CSMD1: variants seen among roughly 807,000 people sequenced by gnomAD.
CSMD1 encodes CUB and Sushi multiple domains 1.
CSMD1 carries 213 observed loss-of-function variants against 417.5 expected under a neutral mutation model. The ratio of observed to expected loss-of-function variants is 0.51; its 90% CI spans 0.46 to 0.57. The LOEUF is 0.57. Ranked by LOEUF, CSMD1 falls within the 20% of genes least tolerant of loss-of-function variation. CSMD1 has a pLI of 0.00. For missense variants in CSMD1, 6,923 were observed against 4,529.7 expected (o/e 1.53, Z -15.17); for synonymous variants, 2,862 against 1,736.8 (o/e 1.65, Z -16.11).
At chr8:3,407,357 G>T (rs1200539152) in intron 14 of CSMD1, among the ~76,000 whole-genome samples, 2 of 151,736 alleles carry the variant, frequency 1.3e-5, no homozygotes, top group Admixed American at 6.6e-5. Context: ...TGGATGGATG[G>T]AAAGATGGAT....
At chr8:3,021,686 T>C (rs1809410949) in intron 51 of CSMD1, among the ~76,000 whole-genome samples, 1 of 116,172 alleles carries the variant, frequency 8.6e-6, no homozygotes, top group Non-Finnish European at 1.9e-5. Context: ...GCGTCCGGAA[T>C]GCACCTGCAA....
Position 3,836,222 on chromosome 8 carries a change from T to A in CSMD1, c.819-82180A>T, listed in dbSNP as rs571095806. ...TTTTGATCATGTCATCGGACATTCT[T>A]TAAATATCTTTAATATTTGGTTATC... is the stretch of plus-strand genomic sequence containing the variant. On this transcript the variant is annotated intron_variant, in intron 5 of 69. Transcript: ENST00000635120. 2.6e-5 allele frequency among the ~76,000 whole-genome samples: 4 copies of A among 152,322 alleles called. No individual in the cohort carries two copies. In the East Asian group the frequency reaches 7.7e-4, roughly 29 times the overall value.
intron 3 of CSMD1, among the ~76,000 whole-genome samples, chr8:4,254,250 C>G (rs534980462): frequency 6.6e-6 from 1 of 152,038 alleles, no homozygotes. Flanking sequence ...CTCTCTTCAC[C>G]AAATAAAATC....
At chr8:4,787,221 C>T (rs2117215651) in intron 1 of CSMD1, 1 of 485,892 alleles carries the variant, frequency 2.1e-6, no homozygotes, top group Non-Finnish European at 3.8e-6. Flanking sequence ...AGGGGGCGCG[C>T]CTGGGGGCCG....
At chr8:4,261,257 C>G (rs970977608) in intron 3 of CSMD1, among the ~76,000 whole-genome samples, 1 of 152,102 alleles carries the variant, frequency 6.6e-6, no homozygotes, top group African/African-American at 2.4e-5. Context: ...TCAAAAAGAA[C>G]GCCTGTTTTC....
chr8:4,426,749 A>C (rs759745286), intron 2 of CSMD1, among the ~76,000 whole-genome samples: 3 of 147,920 alleles, frequency 2.0e-5, no homozygotes, highest in Non-Finnish European at 4.5e-5. Flanking sequence ...ACAATATAGT[A>C]ATATAGTAAT....
chr8:4,743,646 C>T (rs1040960185), intron 1 of CSMD1, among the ~76,000 whole-genome samples: 1 of 152,134 alleles, frequency 6.6e-6, no homozygotes, highest in Non-Finnish European at 1.5e-5. Context: ...CCAATTTACA[C>T]CTTAATCATT....
At chr8:3,665,617 G>T (rs1033905743) in intron 7 of CSMD1, among the ~76,000 whole-genome samples, 3 of 152,130 alleles carry the variant, frequency 2.0e-5, no homozygotes, top group African/African-American at 7.2e-5. Flanking sequence ...ACTCAGTAGG[G>T]TTCTAAATAA....
intron 3 of CSMD1, among the ~76,000 whole-genome samples, chr8:4,201,061 C>T (rs1486553175): frequency 6.6e-6 from 1 of 152,188 alleles, no homozygotes; most frequent in Non-Finnish European, 1.5e-5. Flanking sequence ...CCATTCACTA[C>T]TTTCTACCTA....
At chr8:3,251,397 G>A (rs997017777) in intron 26 of CSMD1, among the ~76,000 whole-genome samples, 1 of 152,180 alleles carries the variant, frequency 6.6e-6, no homozygotes, top group Middle Eastern at 3.4e-3. Flanking sequence ...TATTTCTGAG[G>A]GCTCTGTTCT....
intron 37 of CSMD1, among the ~76,000 whole-genome samples, chr8:3,165,504 T>G (rs1820151001): frequency 6.6e-6 from 1 of 152,100 alleles, no homozygotes; most frequent in African/African-American, 2.4e-5. Context: ...TGATCTCAGC[T>G]CACTTCAAGC....
intron 3 of CSMD1, among the ~76,000 whole-genome samples, chr8:4,279,060 T>C (rs1265646234): frequency 2.6e-5 from 4 of 152,222 alleles, no homozygotes; most frequent in African/African-American, 9.6e-5. Flanking sequence ...ATCACTCTAC[T>C]GTTTTTATGT....
At chr8:4,788,282 A>C in intron 1 of CSMD1, 1 of 1,590,226 alleles carries the variant, frequency 6.3e-7, no homozygotes, top group Non-Finnish European at 8.6e-7. Context: ...TTCCTACTGT[A>C]TTTGTGGCAG....
At chr8:4,577,500 C>T (rs770524182) in intron 2 of CSMD1, among the ~76,000 whole-genome samples, 68 of 152,298 alleles carry the variant, frequency 4.5e-4, no homozygotes, top group Middle Eastern at 3.4e-3. Flanking sequence ...CACCACAGCA[C>T]CCACCTTGCC....
chr8:4,980,942 G>T (rs1810856370), intron 1 of CSMD1, among the ~76,000 whole-genome samples: 1 of 151,766 alleles, frequency 6.6e-6, no homozygotes, highest in South Asian at 2.1e-4. Flanking sequence ...ACTTTGCCCA[G>T]CAACATGGAC....
rs530683415 is a variant in CSMD1, at chr8:3,357,070, C to T, written c.3304+2082G>A. Among the ~76,000 whole-genome samples the T allele has an allele frequency of 1.8e-3, 276 of 152,112 alleles. 2 individuals are homozygous for T. Among genetic ancestry groups the T allele is most frequent in the African/African-American group, 6.4e-3 (264 of 41,492 alleles). On this transcript the variant is annotated intron_variant, in intron 21 of 69. Coordinates refer to ENST00000635120, the MANE Select transcript of CSMD1 (RefSeq NM_033225.6). ...GGGCTAGGAGGGTGGGGAGGAGGAGCCTGAACTGAGAGCTCTGCAGCGGCC... is the reference window on the plus strand; with the variant it reads ...GGGCTAGGAGGGTGGGGAGGAGGAGTCTGAACTGAGAGCTCTGCAGCGGCC...
intron 5 of CSMD1, among the ~76,000 whole-genome samples, chr8:3,890,099 G>C (rs1430671284): frequency 6.6e-6 from 1 of 152,098 alleles, no homozygotes; most frequent in Non-Finnish European, 1.5e-5. Flanking sequence ...GGACAAATGA[G>C]ATAATCTGAT....
At chr8:3,804,631 TA>T (rs1390875771) in intron 5 of CSMD1, among the ~76,000 whole-genome samples, 1 of 152,100 alleles carries the variant, frequency 6.6e-6, no homozygotes, top group Non-Finnish European at 1.5e-5. Flanking sequence ...CACTTTACGA[TA>T]AAATGCACAC....
In CSMD1 at chr8:4,152,524, C is replaced by CAAA. The variant is rs11460992; in HGVS notation, c.416-120428_416-120426dup. On this transcript the variant is annotated intron_variant, in intron 3 of 69. Transcript: ENST00000635120. ...AAAGCCCTGTCTCTACAGAGAGTAC[C>CAAA]AAAAAAAAAAAAAAAATTAGCTAGT... Among the ~76,000 whole-genome samples, 105 of 139,444 alleles carry CAAA rather than the reference C, an allele frequency of 7.5e-4. 1 individual carries two copies. The highest frequency in any genetic ancestry group is 2.5e-3 in the African/African-American group (94 of 37,478). 91.5% of individuals were successfully genotyped at this position (139,444 alleles called of 152,430 possible). A position where few individuals can be genotyped will look rare whatever the true frequency, so the allele number is the denominator to read the frequency against.
Sources: allele counts gnomAD v4.1 joint callset (sites outside exome capture counted in the v4.1 genomes callset), GRCh38; gene constraint gnomAD v4.1.1; transcripts MANE v1.5; gene names NCBI Gene and HGNC (gene_info 2026-07-23, HGNC 2026-07-21).